RUFY1: variants seen among roughly 807,000 people sequenced by gnomAD.
RUFY1 encodes RUN and FYVE domain-containing protein 1.
Under a neutral mutation model 94.6 loss-of-function variants are expected in RUFY1, and 54 were observed. The ratio of observed to expected loss-of-function variants is 0.57; its 90% confidence interval spans 0.46 to 0.72. The LOEUF (loss-of-function observed/expected upper bound fraction) is 0.72, where lower values mean the gene tolerates loss of function less well. RUFY1 is among the 30% of genes least tolerant of loss of function. RUFY1 has a pLI of 0.00. For synonymous variants in RUFY1, 396 were observed against 347.3 expected, an observed-to-expected ratio of 1.14 and a Z score of -1.56; for missense variants, 883 against 883.9, an observed-to-expected ratio of 1.00 and a Z score of 0.01.
At chr5:179,585,634 G>T (rs1219104563) in intron 7 of RUFY1, among the ~76,000 whole-genome samples, 162 bp from the exon 8 acceptor site, 1 of 152,156 alleles carries the variant, frequency 6.6e-6, no homozygotes, top group Non-Finnish European at 1.5e-5. Context: ...AAAGTATGTT[G>T]CAAATGTATA....
chr5:179,603,928 G>A (rs558050036), intron 15 of RUFY1, among the ~76,000 whole-genome samples: 8 of 152,130 alleles, frequency 5.3e-5, no homozygotes, highest in Admixed American at 1.3e-4. Flanking sequence ...ATGGTGGAGC[G>A]CGCCTGTAAT....
At position 179,596,562 on chromosome 5, in the gene RUFY1, G is replaced by A; in HGVS notation, c.1512G>A (p.Arg504=). ...GCACTCTTGCTGGTGTCGCATCCAG[G>A]TTGCAGCACTCGGAGCGGGCGAGGC... is the stretch of plus-strand genomic sequence containing the variant. ...VMSSMKQMEE[R]LQHSERARQG... is the part of the protein sequence containing the mutation. The change falls in exon 13 of 18, where the codon AGG becomes AGA. Residue 504 remains arginine (R), a splice_region_variant and synonymous_variant. Transcript: ENST00000319449. 1 of 1,613,718 alleles carries A rather than the reference G, an allele frequency of 6.2e-7. No homozygotes were observed. Among genetic ancestry groups the A allele is most frequent in the Non-Finnish European group, 8.5e-7 (1 of 1,180,002 alleles).
At chr5:179,590,335 T>G (rs923380504) in intron 9 of RUFY1, among the ~76,000 whole-genome samples, 5 of 149,250 alleles carry the variant, frequency 3.4e-5, no homozygotes, top group Admixed American at 2.0e-4. Context: ...GCCTGGGCCA[T>G]AGAGCAAGAC....
At chr5:179,586,845 T>A (rs1245506198) in intron 8 of RUFY1, among the ~76,000 whole-genome samples, 2 of 152,168 alleles carry the variant, frequency 1.3e-5, no homozygotes, top group Non-Finnish European at 2.9e-5. Context: ...TGAGCCTCAC[T>A]TTTGTCACCT....
chr5:179,584,520 A>C (rs896534852), intron 7 of RUFY1, among the ~76,000 whole-genome samples: 1 of 152,198 alleles, frequency 6.6e-6, no homozygotes, highest in East Asian at 1.9e-4. Flanking sequence ...AGCTCATGCC[A>C]GTAATCTCAG....
chr5:179,600,553 G>T (rs1766250924), intron 14 of RUFY1, among the ~76,000 whole-genome samples: 1 of 152,228 alleles, frequency 6.6e-6, no homozygotes, highest in Non-Finnish European at 1.5e-5. Flanking sequence ...AGTCTTTGCT[G>T]ATGCAAGGTT....
chr5:179,567,717 T>C (rs1489511437), intron 4 of RUFY1, among the ~76,000 whole-genome samples, 155 bp downstream of exon 4: 1 of 150,862 alleles, frequency 6.6e-6, no homozygotes, highest in Non-Finnish European at 1.5e-5. Flanking sequence ...CTGGCCAACA[T>C]GGTGTCGTAT....
intron 5 of RUFY1, among the ~76,000 whole-genome samples, chr5:179,573,393 C>T (rs992995948): frequency 6.6e-6 from 1 of 152,178 alleles, no homozygotes; most frequent in Non-Finnish European, 1.5e-5. Flanking sequence ...CTATAGTATA[C>T]ATAATCATAT....
At chr5:179,600,466 C>T (rs1766243160) in intron 14 of RUFY1, among the ~76,000 whole-genome samples, 1 of 152,164 alleles carries the variant, frequency 6.6e-6, no homozygotes, top group South Asian at 2.1e-4. Context: ...CCCAGGTCAC[C>T]CCCTTCATCA....
intron 15 of RUFY1, among the ~76,000 whole-genome samples, 186 bp from the exon 16 acceptor site, chr5:179,605,690 C>T (rs1405346914): frequency 2.0e-5 from 3 of 152,036 alleles, no homozygotes; most frequent in African/African-American, 4.8e-5. Context: ...CCTCAGCAGA[C>T]GGGAGCCAGT....
At chr5:179,587,928 T>G (rs1467861009) in intron 8 of RUFY1, among the ~76,000 whole-genome samples, 5 of 151,916 alleles carry the variant, frequency 3.3e-5, no homozygotes, top group Admixed American at 2.6e-4. Context: ...CTCGGGAGGC[T>G]GAGGTGAGAG....
intron 7 of RUFY1, among the ~76,000 whole-genome samples, chr5:179,583,646 G>A (rs1209860232): frequency 1.3e-5 from 2 of 151,114 alleles, no homozygotes; most frequent in East Asian, 3.9e-4. Flanking sequence ...TCGATCTCCT[G>A]ACCACGTGAT....
intron 5 of RUFY1, among the ~76,000 whole-genome samples, chr5:179,571,516 A>G (rs542539967): frequency 1.3e-5 from 2 of 152,102 alleles, no homozygotes; most frequent in East Asian, 3.9e-4. Context: ...AAAAAAAAAA[A>G]AAAACACCAA....
At chr5:179,551,396 G>A (rs908792544) in intron 1 of RUFY1, among the ~76,000 whole-genome samples, 2 of 152,290 alleles carry the variant, frequency 1.3e-5, no homozygotes, top group African/African-American at 4.8e-5. Context: ...GTGATAGTAA[G>A]AGTTAAGTAA....
At chr5:179,575,123 T>C (rs1406718763) in intron 5 of RUFY1, among the ~76,000 whole-genome samples, 1 of 150,486 alleles carries the variant, frequency 6.6e-6, no homozygotes, top group Non-Finnish European at 1.5e-5. Flanking sequence ...TTCTACTTTT[T>C]CTATACATTT....
At chr5:179,597,650 G>A (rs1765805026) in intron 13 of RUFY1, among the ~76,000 whole-genome samples, 1 of 152,186 alleles carries the variant, frequency 6.6e-6, no homozygotes, top group African/African-American at 2.4e-5. Flanking sequence ...AGGATTACAA[G>A]TGTGAACCAC....
At position 179,585,812 on chromosome 5, in the gene RUFY1, C is replaced by A; in HGVS notation, c.973C>A (p.Leu325Ile). ...NRHLSCTVGD[L>I]QTKIDGLEKT... ...TTTCTACAGCTGCACAGTTGGGGATCTTCAAACCAAGATAGATGGCTTGGA... is the reference window on the plus strand; with the variant it reads ...TTTCTACAGCTGCACAGTTGGGGATATTCAAACCAAGATAGATGGCTTGGA... Residue 325 changes from leucine to isoleucine, a missense_variant, in exon 8 of 18, where the codon CTT becomes ATT. Coordinates refer to ENST00000319449, the MANE Select transcript of RUFY1 (RefSeq NM_025158.5). The A allele has an allele frequency of 6.2e-7, 1 of 1,613,144 alleles. No homozygotes were observed. The highest frequency in any genetic ancestry group is 8.5e-7 in the Non-Finnish European group (1 of 1,179,130).
chr5:179,555,579 T>G, intron 1 of RUFY1: 1 of 386,076 alleles, frequency 2.6e-6, no homozygotes, highest in South Asian at 2.0e-5. Flanking sequence ...AACACTGGTC[T>G]TAACATTTTT....
chr5:179,592,857 C>A (rs977200595), intron 10 of RUFY1, among the ~76,000 whole-genome samples: 1 of 152,154 alleles, frequency 6.6e-6, no homozygotes, highest in East Asian at 1.9e-4. Flanking sequence ...AGCACTCAAA[C>A]GAGACAGATA....
Sources: allele counts gnomAD v4.1 joint callset (sites outside exome capture counted in the v4.1 genomes callset), GRCh38; gene constraint gnomAD v4.1.1; transcripts MANE v1.5; gene names NCBI Gene and HGNC (gene_info 2026-07-23, HGNC 2026-07-21).